Variants in PLPPR1 observed in about 807,000 individuals in gnomAD.
The protein encoded by PLPPR1 is phospholipid phosphatase related 1.
Under a neutral mutation model 33.1 loss-of-function variants are expected in PLPPR1, and 10 were observed. That is an observed-to-expected ratio of 0.30 (90% CI 0.19 to 0.51). PLPPR1 has a LOEUF of 0.51. PLPPR1 is among the 20% of genes least tolerant of loss of function. The pLI is 0.97. For synonymous variants in PLPPR1, 151 were observed against 151.0 expected, an observed-to-expected ratio of 1.00 and a Z score of 0.00; for missense variants, 304 against 408.1, an observed-to-expected ratio of 0.74 and a Z score of 2.20.
intron 1 of PLPPR1, among the ~76,000 whole-genome samples, chr9:101,131,304 A>T (rs971131681): frequency 6.6e-6 from 1 of 152,152 alleles, no homozygotes; most frequent in African/African-American, 2.4e-5. Context: ...TTAAGGGGAG[A>T]ATACCTGTCA....
At chr9:101,208,443 C>T (rs745605011) in intron 2 of PLPPR1, among the ~76,000 whole-genome samples, 1 of 152,164 alleles carries the variant, frequency 6.6e-6, no homozygotes, top group Admixed American at 6.5e-5. Flanking sequence ...TTTGCATTTT[C>T]GTCAATTTGT....
intron 4 of PLPPR1, among the ~76,000 whole-genome samples, chr9:101,294,405 C>T (rs1828580618): frequency 6.6e-6 from 1 of 151,878 alleles, no homozygotes; most frequent in Non-Finnish European, 1.5e-5. Flanking sequence ...CCTTCTGAAA[C>T]TATTCCAATC....
At chr9:101,054,478 G>A (rs1218296746) in intron 1 of PLPPR1, among the ~76,000 whole-genome samples, 1 of 152,078 alleles carries the variant, frequency 6.6e-6, no homozygotes, top group Non-Finnish European at 1.5e-5. Flanking sequence ...GACTCAATTG[G>A]AACAGAATCC....
intron 1 of PLPPR1, among the ~76,000 whole-genome samples, chr9:101,075,870 G>A (rs372247381): frequency 3.3e-5 from 5 of 152,156 alleles, no homozygotes; most frequent in African/African-American, 9.6e-5. Flanking sequence ...GATAGGGTAA[G>A]AAGGCCCTTC....
intron 4 of PLPPR1, among the ~76,000 whole-genome samples, chr9:101,303,167 A>G (rs911439020): frequency 2.0e-5 from 3 of 150,380 alleles, no homozygotes; most frequent in Middle Eastern, 3.4e-3. Context: ...TATTTTTAGT[A>G]AGGACAGGGT....
chr9:101,111,431 C>T (rs1046297996), intron 1 of PLPPR1, among the ~76,000 whole-genome samples: 5 of 152,118 alleles, frequency 3.3e-5, no homozygotes, highest in Non-Finnish European at 5.9e-5. Context: ...GTAACTGATG[C>T]ATTCATAAGA....
At chr9:101,114,346 C>G (rs964266096) in intron 1 of PLPPR1, among the ~76,000 whole-genome samples, 1 of 152,184 alleles carries the variant, frequency 6.6e-6, no homozygotes. Flanking sequence ...AATGGTGTAT[C>G]AGGCAGGATC....
At chr9:101,210,885 AGCATCCCGAGT>A (rs1032821447) in intron 2 of PLPPR1, among the ~76,000 whole-genome samples, 9 of 152,170 alleles carry the variant, frequency 5.9e-5, no homozygotes, top group Non-Finnish European at 1.3e-4. Flanking sequence ...CTCCTGCCTC[AGCATCCCGAGT>A]AGCTGGGACT....
chr9:101,172,588 G>C (rs1825959131), intron 1 of PLPPR1, among the ~76,000 whole-genome samples: 1 of 151,974 alleles, frequency 6.6e-6, no homozygotes, highest in African/African-American at 2.4e-5. Context: ...TTCTCTCTGG[G>C]CCTTGGGTAG....
chr9:101,177,327 C>G (rs2118700821), intron 1 of PLPPR1, among the ~76,000 whole-genome samples: 1 of 152,222 alleles, frequency 6.6e-6, no homozygotes, highest in Non-Finnish European at 1.5e-5. Flanking sequence ...TATTTTACCT[C>G]TTTAAATTTA....
At chr9:101,169,687 A>G (rs564771027) in intron 1 of PLPPR1, among the ~76,000 whole-genome samples, 2 of 105,004 alleles carry the variant, frequency 1.9e-5, no homozygotes, top group Non-Finnish European at 4.8e-5. Flanking sequence ...TTTTTGTTAC[A>G]TGTTATCAAA....
chr9:101,324,363 ATTTTC>A lies in PLPPR1; in HGVS notation c.*313_*317del, dbSNP rs938570194. 1.9e-5 allele frequency: 5 copies of A among 269,346 alleles called. No individual in the cohort carries two copies. The highest frequency in any genetic ancestry group is 6.9e-5 in the African/African-American group (3 of 43,460). The allele number at this position is 269,346 out of a possible 1,614,324, so 16.7% of individuals were successfully genotyped here. On this transcript the variant is annotated 3_prime_UTR_variant, in exon 8 of 8. Coordinates refer to ENST00000374874, the MANE Select transcript of PLPPR1 (RefSeq NM_207299.2). ...GTTGTTTTGTGATATTTGTACACAA[ATTTTC>A]TTTTCTCAGTTTTATAAACACAGAA...
chr9:101,251,587 C>T (rs1181896970), intron 2 of PLPPR1, among the ~76,000 whole-genome samples: 1 of 149,650 alleles, frequency 6.7e-6, no homozygotes, highest in Non-Finnish European at 1.5e-5. Context: ...AGAAATTTAA[C>T]TTCCTCTACC....
intron 1 of PLPPR1, among the ~76,000 whole-genome samples, chr9:101,113,207 T>C (rs1215458906): frequency 1.8e-5 from 1 of 56,942 alleles, no homozygotes; most frequent in Non-Finnish European, 4.0e-5. Context: ...ATATTAATCC[T>C]TTTTTTTTTT....
At chr9:101,247,239 G>A (rs1827627415) in intron 2 of PLPPR1, among the ~76,000 whole-genome samples, 1 of 151,928 alleles carries the variant, frequency 6.6e-6, no homozygotes, top group African/African-American at 2.4e-5. Context: ...GTGTCATTTG[G>A]ATCCAAGCTT....
intron 1 of PLPPR1, among the ~76,000 whole-genome samples, chr9:101,113,624 GAAAAAACA>G (rs1286900330): frequency 6.6e-6 from 1 of 150,812 alleles, no homozygotes; most frequent in Admixed American, 6.6e-5. Context: ...AGAAAGAACA[GAAAAAACA>G]AAAAAACAAA....
chr9:101,133,700 C>T (rs977635231), intron 1 of PLPPR1, among the ~76,000 whole-genome samples: 6 of 152,150 alleles, frequency 3.9e-5, no homozygotes, highest in African/African-American at 1.4e-4. Flanking sequence ...GAACATCCTC[C>T]TTCCACACTA....
chr9:101,276,397 T>C (rs1828197235), intron 3 of PLPPR1, among the ~76,000 whole-genome samples: 1 of 152,184 alleles, frequency 6.6e-6, no homozygotes, highest in South Asian at 2.1e-4. Flanking sequence ...CTGCTCCAAA[T>C]CTCCTTTAGA....
chr9:101,098,662 G>A (rs1830853612), intron 1 of PLPPR1, among the ~76,000 whole-genome samples: 1 of 152,072 alleles, frequency 6.6e-6, no homozygotes, highest in Non-Finnish European at 1.5e-5. Flanking sequence ...GCAGCAAGTG[G>A]CCTCTCAAAA....
Sources: gnomAD v4.1 joint callset for allele counts (sites outside exome capture counted in the v4.1 genomes callset) on GRCh38, gnomAD v4.1.1 for gene constraint, MANE v1.5 for transcripts, NCBI Gene and HGNC (gene_info 2026-07-23, HGNC 2026-07-21) for gene names.